Variants in SEZ6L observed in about 807,000 individuals in gnomAD.
SEZ6L encodes seizure 6-like protein.
A neutral mutation model predicts 106.2 loss-of-function variants in SEZ6L; 37 were observed. The observed-to-expected ratio is 0.35, with a 90% confidence interval of 0.27 to 0.46. SEZ6L has a LOEUF of 0.46. SEZ6L is among the 20% of genes least tolerant of loss of function. SEZ6L has a pLI of 1.00. For missense variants in SEZ6L, 1,172 were observed against 1,332.8 expected, an observed-to-expected ratio of 0.88 and a Z score of 1.88; for synonymous variants, 541 against 570.4, an observed-to-expected ratio of 0.95 and a Z score of 0.73.
chr22:26,316,652 T>C (rs1275136679), intron 9 of SEZ6L, among the ~76,000 whole-genome samples: 4 of 151,732 alleles, frequency 2.6e-5, no homozygotes, highest in Admixed American at 2.6e-4. Context: ...GCCAACATGG[T>C]GAAACACCGC....
At chr22:26,199,018 C>T (rs867064309) in intron 1 of SEZ6L, among the ~76,000 whole-genome samples, 10 of 152,284 alleles carry the variant, frequency 6.6e-5, no homozygotes, top group Middle Eastern at 3.4e-3. Context: ...TCATTGGAAA[C>T]GTCATGACAC....
intron 9 of SEZ6L, among the ~76,000 whole-genome samples, chr22:26,317,765 G>A (rs931675960): frequency 6.6e-6 from 1 of 152,030 alleles, no homozygotes; most frequent in African/African-American, 2.4e-5. Context: ...TTTCACAATC[G>A]TAGATTGAGC....
intron 5 of SEZ6L, 94 bp from the exon 6 acceptor site, chr22:26,305,885 T>G: frequency 1.6e-6 from 2 of 1,286,510 alleles, no homozygotes; most frequent in Non-Finnish European, 2.1e-6. Flanking sequence ...AACACTCACT[T>G]CCTTCTCTCT....
intron 1 of SEZ6L, among the ~76,000 whole-genome samples, chr22:26,220,385 C>T (rs1049556993): frequency 1.3e-5 from 2 of 152,188 alleles, no homozygotes; most frequent in Admixed American, 6.5e-5. Context: ...TGACCCTCTC[C>T]TCCTCAATTC....
intron 13 of SEZ6L, among the ~76,000 whole-genome samples, 155 bp from the exon 14 acceptor site, chr22:26,373,296 G>A (rs773775438): frequency 6.6e-5 from 10 of 152,132 alleles, no homozygotes; most frequent in Non-Finnish European, 7.3e-5. Flanking sequence ...GTCCAGGCAC[G>A]TTCACTGATT....
intron 9 of SEZ6L, among the ~76,000 whole-genome samples, chr22:26,321,863 C>A (rs146649996): frequency 8.5e-5 from 13 of 152,156 alleles, no homozygotes; most frequent in South Asian, 4.2e-4. Flanking sequence ...TGAATGAGGA[C>A]GTAAGCCACA....
At chr22:26,370,025 T>C (rs116819483) in intron 13 of SEZ6L, among the ~76,000 whole-genome samples, 1,859 of 152,320 alleles carry the variant, frequency 0.012, 49 homozygotes, top group African/African-American at 0.043. Context: ...TGGACATTAA[T>C]AGAAATTAAT....
chr22:26,222,124 C>A (rs139925592), intron 1 of SEZ6L, among the ~76,000 whole-genome samples: 1 of 152,122 alleles, frequency 6.6e-6, no homozygotes, highest in Non-Finnish European at 1.5e-5. Context: ...TTCTGGGATC[C>A]ATTCCAGACT....
chr22:26,322,930 T>C (rs1488105914), intron 9 of SEZ6L, among the ~76,000 whole-genome samples: 2 of 152,160 alleles, frequency 1.3e-5, no homozygotes, highest in Non-Finnish European at 2.9e-5. Context: ...TCTCATTCAT[T>C]CTCTCTCCAC....
intron 16 of SEZ6L, among the ~76,000 whole-genome samples, chr22:26,379,739 C>T (rs187251546): frequency 1.3e-4 from 20 of 152,322 alleles, no homozygotes; most frequent in African/African-American, 4.6e-4. Flanking sequence ...GGGAAAAGGT[C>T]AGACTGAAAT....
At position 26,380,310 on chromosome 22, in the gene SEZ6L, G is replaced by A. The variant is rs1401108072; in HGVS notation, c.*15G>A. 1 of 1,611,324 alleles carries A rather than the reference G, an allele frequency of 6.2e-7. No individual in the cohort carries two copies. On this transcript the variant is annotated 3_prime_UTR_variant, in exon 17 of 17. Coordinates refer to ENST00000248933, the MANE Select transcript of SEZ6L (RefSeq NM_021115.5). ...TTTCTATCTAAAGAGAGCTACACTT[G>A]AGAAGGGGACTTGTGAACTCAACCA... is the stretch of plus-strand genomic sequence containing the variant.
rs140564732 is a variant in SEZ6L, at chr22:26,373,334, A to G, written c.2795-117A>G. On this transcript the variant is annotated intron_variant, in intron 13 of 16. Coordinates refer to ENST00000248933, the MANE Select transcript of SEZ6L (RefSeq NM_021115.5). ...AGTGGCCCAAGATAAGTAAAAACAT[A>G]CCACTAACTTCACCAAAGCATGGCA... 20 of 818,060 alleles carry G rather than the reference A, an allele frequency of 2.4e-5. No homozygotes were observed. The African/African-American group carries it at 3.4e-4, about 14-fold the overall frequency. 50.7% of individuals were successfully genotyped at this position (818,060 alleles called of 1,614,324 possible). A position where few individuals can be genotyped will look rare whatever the true frequency, so the allele number is the denominator to read the frequency against.
chr22:26,182,133 G>A (rs935172241), intron 1 of SEZ6L, among the ~76,000 whole-genome samples: 1 of 152,164 alleles, frequency 6.6e-6, no homozygotes, highest in African/African-American at 2.4e-5. Context: ...CTCAATAAGT[G>A]CAGACATGTC....
intron 1 of SEZ6L, among the ~76,000 whole-genome samples, chr22:26,262,376 A>G (rs2080044270): frequency 6.6e-6 from 1 of 152,040 alleles, no homozygotes; most frequent in African/African-American, 2.4e-5. Context: ...CCTCATGTAA[A>G]TCTGCAGAAA....
rs16981666 is a variant in SEZ6L, at chr22:26,292,435, T to C, written c.124T>C (p.Leu42=). The change falls in exon 2 of 17, where the codon TTG becomes CTG. Residue 42 remains leucine (L), a synonymous_variant. Transcript: ENST00000248933. The part of the protein sequence containing the change: ...DALPEGDASP[L]GPYLLPSGAP... Reference sequence around the variant, plus strand: ...TCTTCCCGAGGGAGATGCTAGCCCTTTGGGTCCTTACCTCCTGCCCTCAGG... The same window carrying C: ...TCTTCCCGAGGGAGATGCTAGCCCTCTGGGTCCTTACCTCCTGCCCTCAGG... The C allele has an allele frequency of 0.016, 26,324 of 1,613,566 alleles. 2,131 individuals are homozygous for C. The African/African-American group carries it at 0.22, about 13-fold the overall frequency.
chr22:26,314,412 G>A (rs2145929180), intron 9 of SEZ6L, among the ~76,000 whole-genome samples: 1 of 152,328 alleles, frequency 6.6e-6, no homozygotes, highest in Middle Eastern at 3.4e-3. Flanking sequence ...AATGGCCAGT[G>A]TGGCCAGCAA....
At chr22:26,283,967 A>AAT (rs1466139020) in intron 1 of SEZ6L, among the ~76,000 whole-genome samples, 1 of 152,240 alleles carries the variant, frequency 6.6e-6, no homozygotes, top group Non-Finnish European at 1.5e-5. Context: ...GTTACAGAAC[A>AAT]ATATATGCCA....
intron 9 of SEZ6L, among the ~76,000 whole-genome samples, chr22:26,319,788 G>A (rs569873156): frequency 4.6e-4 from 70 of 152,292 alleles, no homozygotes; most frequent in East Asian, 1.3e-3. Flanking sequence ...ATTCACTGCC[G>A]TAACCCTAAT....
intron 1 of SEZ6L, among the ~76,000 whole-genome samples, chr22:26,207,941 G>A (rs920311555): frequency 6.9e-6 from 1 of 144,216 alleles, no homozygotes; most frequent in East Asian, 2.1e-4. Context: ...ACGGAGTCTC[G>A]CTCTGTCGCC....
Sources: gnomAD v4.1 joint callset for allele counts (sites outside exome capture counted in the v4.1 genomes callset) on GRCh38, gnomAD v4.1.1 for gene constraint, MANE v1.5 for transcripts, NCBI Gene and HGNC (gene_info 2026-07-23, HGNC 2026-07-21) for gene names.